Variants in TMEM132C observed in about 807,000 individuals in gnomAD.
TMEM132C encodes the protein transmembrane protein 132C.
In TMEM132C, 29 loss-of-function variants were observed where a neutral mutation model predicts 61.4. The observed-to-expected ratio is 0.47, with a 90% CI of 0.35 to 0.64. The LOEUF (loss-of-function observed/expected upper bound fraction) is 0.64, where lower values mean the gene tolerates loss of function less well. TMEM132C is among the 30% of genes least tolerant of loss of function. The pLI is 0.00. For synonymous variants in TMEM132C, 656 were observed against 633.1 expected, an observed-to-expected ratio of 1.04 and a Z score of -0.54; for missense variants, 1,408 against 1,476.9, an observed-to-expected ratio of 0.95 and a Z score of 0.76.
chr12:128,581,412 G>A (rs1002340915), intron 3 of TMEM132C, among the ~76,000 whole-genome samples: 5 of 152,184 alleles, frequency 3.3e-5, no homozygotes, highest in African/African-American at 4.8e-5. Flanking sequence ...CCGGAGGGGA[G>A]GGGAAACACC....
chr12:128,398,877 C>T (rs547660572), intron 1 of TMEM132C, among the ~76,000 whole-genome samples: 42 of 152,304 alleles, frequency 2.8e-4, no homozygotes, highest in South Asian at 1.5e-3. Context: ...TTCCACTTAA[C>T]GGATATTTTT....
intron 1 of TMEM132C, among the ~76,000 whole-genome samples, chr12:128,296,685 A>G (rs1282474586): frequency 6.6e-6 from 1 of 152,196 alleles, no homozygotes; most frequent in African/African-American, 2.4e-5. Flanking sequence ...TGAGAATGGA[A>G]GTTGTCCTCC....
chr12:128,558,515 C>A (rs1874405700), intron 3 of TMEM132C, among the ~76,000 whole-genome samples: 1 of 152,224 alleles, frequency 6.6e-6, no homozygotes. Context: ...TGAGGCCTCC[C>A]CAACCATGCT....
chr12:128,616,028 A>G, intron 3 of TMEM132C, 124 bp from the exon 4 acceptor site: 2 of 1,234,504 alleles, frequency 1.6e-6, no homozygotes, highest in Non-Finnish European at 2.2e-6. Context: ...AGGATCCCCC[A>G]CCAAAACCCT....
At chr12:128,327,449 C>T (rs1056778976) in intron 1 of TMEM132C, among the ~76,000 whole-genome samples, 1 of 149,258 alleles carries the variant, frequency 6.7e-6, no homozygotes, top group Non-Finnish European at 1.5e-5. Flanking sequence ...GTGGCGCGAT[C>T]CCGGCTCACT....
intron 2 of TMEM132C, among the ~76,000 whole-genome samples, chr12:128,456,355 G>C (rs1870341088): frequency 1.1e-5 from 1 of 88,850 alleles, no homozygotes; most frequent in African/African-American, 3.8e-5. Context: ...TAATTCTATG[G>C]TCTGATTAGC....
Position 128,296,789 on chromosome 12 carries a change from ATTTC to A in TMEM132C, c.85+29306_85+29309del, listed in dbSNP as rs546160251. Reference sequence around the variant, plus strand: ...TTCATGTTTTCCTTTAAATTGATGCATTTCTTTAATTTAGCAAAACTATTTTTAA... The same window carrying A: ...TTCATGTTTTCCTTTAAATTGATGCATTTAATTTAGCAAAACTATTTTTAA... On this transcript the variant is annotated intron_variant, in intron 1 of 8. Coordinates refer to ENST00000435159, the MANE Select transcript of TMEM132C (RefSeq NM_001136103.3). Among the ~76,000 whole-genome samples, 500 of 152,298 alleles carry A rather than the reference ATTTC, an allele frequency of 3.3e-3. 3 individuals are homozygous for A. Among genetic ancestry groups the A allele is most frequent in the African/African-American group, 0.012 (483 of 41,566 alleles).
At chr12:128,306,406 G>A (rs34956649) in intron 1 of TMEM132C, among the ~76,000 whole-genome samples, 54,084 of 151,426 alleles carry the variant, frequency 0.36, 11,408 homozygotes, top group Non-Finnish European at 0.48. Context: ...GTTTCATCGT[G>A]TTAGCCAGGA....
chr12:128,452,911 A>C (rs78460086), intron 2 of TMEM132C, among the ~76,000 whole-genome samples: 5,159 of 152,216 alleles, frequency 0.034, 268 homozygotes, highest in African/African-American at 0.11. Context: ...AGATAATATG[A>C]AGTTGTATTT....
intron 3 of TMEM132C, among the ~76,000 whole-genome samples, chr12:128,599,965 G>A (rs928043815): frequency 2.0e-5 from 3 of 152,032 alleles, no homozygotes; most frequent in African/African-American, 7.2e-5. Flanking sequence ...AAGACCTGAT[G>A]GTTTTTTGTT....
Position 128,326,022 on chromosome 12 carries a change from G to A in TMEM132C, c.85+58535G>A, listed in dbSNP as rs929781759. 1.3e-5 allele frequency among the ~76,000 whole-genome samples: 2 copies of A among 152,048 alleles called. No individual in the cohort carries two copies. The highest frequency in any genetic ancestry group is 6.6e-5 in the Admixed American group (1 of 15,262). ...CTTGGTGGTATTCCTGGGTCCTGAC[G>A]CCATACTCAGGACATGGCCAGTATT... On this transcript the variant is annotated intron_variant, in intron 1 of 8. Coordinates refer to ENST00000435159, the MANE Select transcript of TMEM132C (RefSeq NM_001136103.3). The surrounding 1 kb of genome is among the most constrained non-coding windows in gnomAD (Gnocchi z 5.6).
At position 128,278,074 on chromosome 12, in the gene TMEM132C, G is replaced by A. The variant is rs112286613; in HGVS notation, c.85+10587G>A. Among the ~76,000 whole-genome samples the A allele has an allele frequency of 7.6e-4, 116 of 152,154 alleles. No individual in the cohort carries two copies. Among genetic ancestry groups the A allele is most frequent in the African/African-American group, 2.7e-3 (113 of 41,532 alleles). On this transcript the variant is annotated intron_variant, in intron 1 of 8. Coordinates refer to ENST00000435159, the MANE Select transcript of TMEM132C (RefSeq NM_001136103.3). The surrounding 1 kb of genome is among the most constrained non-coding windows in gnomAD (Gnocchi z 4.2). The stretch of plus-strand genomic sequence containing the variant: ...TCACCCCCAGGACTGTGGGATCCCT[G>A]GGCTGAGTTGCTAAAGCCTGCCAGT...
intron 2 of TMEM132C, among the ~76,000 whole-genome samples, chr12:128,511,381 G>A (rs981539298): frequency 6.6e-5 from 10 of 152,222 alleles, no homozygotes; most frequent in African/African-American, 2.4e-4. Flanking sequence ...ACCATTTCAA[G>A]TTTAGGGAGT....
At chr12:128,615,941 T>A (rs542819190) in intron 3 of TMEM132C, among the ~76,000 whole-genome samples, 1 of 152,358 alleles carries the variant, frequency 6.6e-6, no homozygotes, top group Admixed American at 6.5e-5. Context: ...TTGAATATTC[T>A]TGGCCCATAT....
intron 2 of TMEM132C, among the ~76,000 whole-genome samples, chr12:128,477,518 T>G (rs2136087711): frequency 6.6e-6 from 1 of 152,312 alleles, no homozygotes; most frequent in South Asian, 2.1e-4. Flanking sequence ...GATAAAGAAC[T>G]GAGACAACTA....
chr12:128,272,043 G>A (rs56125745), intron 1 of TMEM132C, among the ~76,000 whole-genome samples: 28,369 of 152,164 alleles, frequency 0.19, 3,973 homozygotes, highest in African/African-American at 0.39. Flanking sequence ...TTATTAAAGT[G>A]TAATTTGCAC....
intron 2 of TMEM132C, among the ~76,000 whole-genome samples, chr12:128,417,612 C>G (rs1289762713): frequency 6.6e-6 from 1 of 152,198 alleles, no homozygotes; most frequent in Non-Finnish European, 1.5e-5. Flanking sequence ...TTCCTCCTCT[C>G]TAAAGCAGAT....
At chr12:128,460,400 A>G (rs1378021075) in intron 2 of TMEM132C, among the ~76,000 whole-genome samples, 1 of 152,106 alleles carries the variant, frequency 6.6e-6, no homozygotes, top group Admixed American at 6.5e-5. Context: ...TGTCTTTTCA[A>G]CTTAGTAAGT....
At chr12:128,388,916 A>G (rs1055312541) in intron 1 of TMEM132C, among the ~76,000 whole-genome samples, 4 of 152,218 alleles carry the variant, frequency 2.6e-5, no homozygotes, top group Non-Finnish European at 4.4e-5. Flanking sequence ...CTAAACACAT[A>G]CCAGATACTG....
Sources: allele counts gnomAD v4.1 joint callset (sites outside exome capture counted in the v4.1 genomes callset), GRCh38; gene constraint gnomAD v4.1.1; non-coding constraint Gnocchi (gnomAD v3.1); transcripts MANE v1.5; gene names NCBI Gene and HGNC (gene_info 2026-07-23, HGNC 2026-07-21).